FHIT: variants seen among roughly 807,000 people sequenced by gnomAD.
The protein encoded by FHIT is bis(5'-adenosyl)-triphosphatase.
FHIT carries 19 observed loss-of-function variants against 17.9 expected under a neutral mutation model. The ratio of observed to expected loss-of-function variants is 1.06; its 90% CI spans 0.74 to 1.56. The LOEUF (loss-of-function observed/expected upper bound fraction) is 1.56. Among genes scored for constraint, FHIT ranks in the 40% most tolerant of loss-of-function variants. The pLI is 0.00. For synonymous variants in FHIT, 81 were observed against 69.7 expected, an observed-to-expected ratio of 1.16 and a Z score of -0.81; for missense variants, 248 against 189.2, an observed-to-expected ratio of 1.31 and a Z score of -1.82.
intron 2 of FHIT, among the ~76,000 whole-genome samples, chr3:61,099,553 T>A (rs1291762337): frequency 6.6e-6 from 1 of 152,160 alleles, no homozygotes; most frequent in Non-Finnish European, 1.5e-5. Context: ...CTGGGCTTTT[T>A]TTGGTTGGTA....
rs116578950 is a variant in FHIT at position 60,994,030 on chromosome 3, A to G, written c.-111+48017T>C. Reference sequence around the variant, plus strand: ...AGAGATTTACTACCAAAAGAAGAATATAAAATATGATTCTTTAATAATGTT... The same window carrying G: ...AGAGATTTACTACCAAAAGAAGAATGTAAAATATGATTCTTTAATAATGTT... On this transcript the variant is annotated intron_variant, in intron 3 of 9. Coordinates refer to ENST00000492590, the MANE Select transcript of FHIT (RefSeq NM_002012.4). Among the ~76,000 whole-genome samples the G allele has an allele frequency of 3.5e-3, 539 of 152,344 alleles. 3 individuals carry two copies. Among genetic ancestry groups the G allele is most frequent in the African/African-American group, 0.012 (501 of 41,560 alleles).
intron 2 of FHIT, among the ~76,000 whole-genome samples, chr3:61,045,999 G>A (rs1377834110): frequency 6.6e-6 from 1 of 151,992 alleles, no homozygotes; most frequent in Admixed American, 6.6e-5. Flanking sequence ...AGTGTGTAGA[G>A]GGAAATTTAT....
chr3:60,836,090 T>A (rs1444635942), intron 3 of FHIT, among the ~76,000 whole-genome samples: 3 of 152,244 alleles, frequency 2.0e-5, no homozygotes, highest in Non-Finnish European at 4.4e-5. Flanking sequence ...CTGCACTATG[T>A]TGAATAGGAG....
At chr3:61,046,308 A>C (rs991391890) in intron 2 of FHIT, among the ~76,000 whole-genome samples, 25 of 152,176 alleles carry the variant, frequency 1.6e-4, no homozygotes, top group African/African-American at 6.0e-4. Flanking sequence ...TAAAAGGGAT[A>C]TCACCACCGA....
intron 1 of FHIT, among the ~76,000 whole-genome samples, chr3:61,242,496 C>T (rs779064643): frequency 4.6e-5 from 7 of 152,162 alleles, no homozygotes; most frequent in Non-Finnish European, 1.0e-4. Flanking sequence ...ATCCCCCTAC[C>T]CCAGAAGCCC....
intron 3 of FHIT, among the ~76,000 whole-genome samples, chr3:61,006,190 G>T (rs529953072): frequency 6.6e-6 from 1 of 152,244 alleles, no homozygotes; most frequent in South Asian, 2.1e-4. Context: ...AAGGTTAATG[G>T]TATAATTTCA....
chr3:60,586,212 C>T (rs1274792072), intron 4 of FHIT, among the ~76,000 whole-genome samples: 15 of 151,918 alleles, frequency 9.9e-5, no homozygotes, highest in African/African-American at 3.1e-4. Context: ...CATCTATTTC[C>T]AGATCCTGTC....
chr3:60,269,334 T>C (rs1329782540), intron 5 of FHIT, among the ~76,000 whole-genome samples: 1 of 152,216 alleles, frequency 6.6e-6, no homozygotes, highest in African/African-American at 2.4e-5. Context: ...TTCCTGTCCA[T>C]TCATTTGAAA....
chr3:61,173,836 T>TA, intron 2 of FHIT, among the ~76,000 whole-genome samples: 1 of 152,376 alleles, frequency 6.6e-6, no homozygotes, highest in Non-Finnish European at 1.5e-5. Flanking sequence ...ACTCTTTGCT[T>TA]AAAGCCCAGT....
At chr3:61,058,877 C>G (rs1278888504) in intron 2 of FHIT, among the ~76,000 whole-genome samples, 1 of 152,120 alleles carries the variant, frequency 6.6e-6, no homozygotes, top group Non-Finnish European at 1.5e-5. Flanking sequence ...TGGACTTGCT[C>G]AAGGTCATAC....
intron 2 of FHIT, among the ~76,000 whole-genome samples, chr3:61,113,077 T>C (rs2036206595): frequency 6.6e-6 from 1 of 152,058 alleles, no homozygotes; most frequent in Non-Finnish European, 1.5e-5. Context: ...GATCATGGCT[T>C]ACTGCTGCCT....
chr3:59,963,924 A>C (rs1208854390), intron 7 of FHIT, among the ~76,000 whole-genome samples: 2 of 152,216 alleles, frequency 1.3e-5, no homozygotes, highest in African/African-American at 4.8e-5. Flanking sequence ...CTAAAACGTC[A>C]CATTTTTCAT....
intron 4 of FHIT, among the ~76,000 whole-genome samples, chr3:60,768,092 T>G (rs1174527352): frequency 6.6e-6 from 1 of 152,170 alleles, no homozygotes; most frequent in Non-Finnish European, 1.5e-5. Flanking sequence ...GGACCCTGAA[T>G]ATTATAACCC....
intron 3 of FHIT, among the ~76,000 whole-genome samples, chr3:60,929,388 AG>A (rs1253202909): frequency 6.6e-6 from 1 of 152,204 alleles, no homozygotes; most frequent in Non-Finnish European, 1.5e-5. Context: ...AAGGAAGTAA[AG>A]GGCATTCAAT....
chr3:61,016,210 G>A (rs1201687540), intron 3 of FHIT, among the ~76,000 whole-genome samples: 1 of 152,192 alleles, frequency 6.6e-6, no homozygotes, highest in Non-Finnish European at 1.5e-5. Context: ...TGAGCAGATG[G>A]GCAGAATAAA....
At chr3:60,575,047 G>T (rs1553657076) in intron 4 of FHIT, among the ~76,000 whole-genome samples, 1 of 152,092 alleles carries the variant, frequency 6.6e-6, no homozygotes, top group Non-Finnish European at 1.5e-5. Context: ...AAGAATAAAG[G>T]AAGAATAAAC....
chr3:61,003,128 T>A (rs1416756991), intron 3 of FHIT, among the ~76,000 whole-genome samples: 1 of 152,180 alleles, frequency 6.6e-6, no homozygotes, highest in African/African-American at 2.4e-5. Context: ...AATCTTAGGT[T>A]TTTATATAAA....
chr3:60,462,393 A>T (rs529210962), intron 5 of FHIT, among the ~76,000 whole-genome samples: 160 of 152,264 alleles, frequency 1.1e-3, no homozygotes, highest in African/African-American at 3.7e-3. Flanking sequence ...CCATGGCTCA[A>T]CCACTCAACC....
chr3:59,841,803 T>C (rs1352571071), intron 8 of FHIT, among the ~76,000 whole-genome samples: 1 of 152,124 alleles, frequency 6.6e-6, no homozygotes, highest in Non-Finnish European at 1.5e-5. Flanking sequence ...AAACCAATCG[T>C]GCATTGAGAC....
Sources: gnomAD v4.1 joint callset for allele counts (sites outside exome capture counted in the v4.1 genomes callset) on GRCh38, gnomAD v4.1.1 for gene constraint, MANE v1.5 for transcripts, NCBI Gene and HGNC (gene_info 2026-07-23, HGNC 2026-07-21) for gene names.